FBXL7: variants seen among roughly 807,000 people sequenced by gnomAD.
FBXL7 encodes the protein F-box/LRR-repeat protein 7.
In FBXL7, 12 loss-of-function variants were observed where a neutral mutation model predicts 38.3. The ratio of observed to expected loss-of-function variants is 0.31; its 90% confidence interval spans 0.20 to 0.51. The LOEUF (loss-of-function observed/expected upper bound fraction) is 0.51. FBXL7 is among the 20% of genes least tolerant of loss of function. FBXL7 has a pLI of 0.98. For synonymous variants in FBXL7, 297 were observed against 300.9 expected, an observed-to-expected ratio of 0.99 and a Z score of 0.13; for missense variants, 567 against 676.4, an observed-to-expected ratio of 0.84 and a Z score of 1.79.
intron 1 of FBXL7, among the ~76,000 whole-genome samples, chr5:15,539,360 G>A (rs957831705): frequency 1.2e-4 from 18 of 152,190 alleles, no homozygotes; most frequent in African/African-American, 4.3e-4. Flanking sequence ...GAAAGCCCAG[G>A]TTGAGGATGC....
At chr5:15,500,946 G>C (rs1736471533) in intron 1 of FBXL7, among the ~76,000 whole-genome samples, 1 of 152,156 alleles carries the variant, frequency 6.6e-6, no homozygotes, top group Non-Finnish European at 1.5e-5. Context: ...GTTTGTCTTT[G>C]GGAAGGCTCA....
At chr5:15,563,801 T>C (rs1738482848) in intron 1 of FBXL7, among the ~76,000 whole-genome samples, 1 of 152,070 alleles carries the variant, frequency 6.6e-6, no homozygotes, top group Admixed American at 6.6e-5. Flanking sequence ...TAGGGAATTA[T>C]TTGGGGTTGG....
chr5:15,831,148 T>C (rs780547698), intron 2 of FBXL7, among the ~76,000 whole-genome samples: 1 of 152,194 alleles, frequency 6.6e-6, no homozygotes, highest in Non-Finnish European at 1.5e-5. Flanking sequence ...ACTGCAGCAG[T>C]CTTCTCAAAC....
intron 2 of FBXL7, among the ~76,000 whole-genome samples, chr5:15,659,130 G>T (rs12654662): frequency 0.35 from 52,487 of 151,884 alleles, 9,266 homozygotes; most frequent in East Asian, 0.5. Context: ...ATTAGCAGTG[G>T]GAGAACGGAC....
intron 1 of FBXL7, among the ~76,000 whole-genome samples, chr5:15,522,409 A>T (rs1737123123): frequency 6.6e-6 from 1 of 152,160 alleles, no homozygotes; most frequent in Non-Finnish European, 1.5e-5. Context: ...CATGTTTCAG[A>T]TCGATGCTCC....
intron 2 of FBXL7, among the ~76,000 whole-genome samples, chr5:15,704,443 A>G (rs1743621181): frequency 6.6e-6 from 1 of 152,202 alleles, no homozygotes; most frequent in South Asian, 2.1e-4. Context: ...AGGTAAAAAT[A>G]TTCTCTTCTA....
At chr5:15,744,964 A>G (rs1473025272) in intron 2 of FBXL7, among the ~76,000 whole-genome samples, 2 of 152,166 alleles carry the variant, frequency 1.3e-5, no homozygotes, top group African/African-American at 4.8e-5. Flanking sequence ...AACTGCCCCC[A>G]TGATTCAATT....
intron 2 of FBXL7, among the ~76,000 whole-genome samples, chr5:15,646,439 A>T (rs762740425): frequency 5.9e-5 from 9 of 152,214 alleles, no homozygotes; most frequent in African/African-American, 2.2e-4. Context: ...ACTTGAAAGA[A>T]TGCCAGGAAA....
At chr5:15,760,485 A>G (rs1483025867) in intron 2 of FBXL7, among the ~76,000 whole-genome samples, 1 of 151,926 alleles carries the variant, frequency 6.6e-6, no homozygotes, top group Non-Finnish European at 1.5e-5. Flanking sequence ...CAGGTCCGTC[A>G]TGCTTCAGCT....
intron 2 of FBXL7, among the ~76,000 whole-genome samples, chr5:15,655,312 A>G (rs1361531172): frequency 6.6e-6 from 1 of 152,114 alleles, no homozygotes; most frequent in African/African-American, 2.4e-5. Flanking sequence ...CCTGGCCAGT[A>G]TGGTGAAACC....
At chr5:15,771,942 AT>A (rs895459131) in intron 2 of FBXL7, among the ~76,000 whole-genome samples, 2 of 151,110 alleles carry the variant, frequency 1.3e-5, no homozygotes, top group Non-Finnish European at 3.0e-5. Flanking sequence ...TAATTTTTAT[AT>A]TTTTTTTAGT....
rs1262196388 is a variant in FBXL7 at position 15,505,480 on chromosome 5, A to C, written c.37+4767A>C. On this transcript the variant is annotated intron_variant, in intron 1 of 3. Coordinates refer to ENST00000504595, the MANE Select transcript of FBXL7 (RefSeq NM_012304.5). ...TCATAGATTCTTAGGATAAGTCAGT[A>C]AACAGATGAAGGTCCTGTCCTTGTC... 2.6e-5 allele frequency among the ~76,000 whole-genome samples: 4 copies of C among 152,140 alleles called. No individual in the cohort carries two copies. In the East Asian group the frequency reaches 7.7e-4, roughly 29 times the overall value.
intron 2 of FBXL7, among the ~76,000 whole-genome samples, chr5:15,699,618 G>A (rs1359865781): frequency 1.3e-5 from 2 of 152,202 alleles, no homozygotes; most frequent in African/African-American, 4.8e-5. Flanking sequence ...AATGCAGAAA[G>A]AAGGAGTATG....
chr5:15,729,909 C>T (rs1029627118), intron 2 of FBXL7, among the ~76,000 whole-genome samples: 7 of 152,148 alleles, frequency 4.6e-5, no homozygotes, highest in African/African-American at 4.8e-5. Flanking sequence ...AATCGGGTAA[C>T]GCTCCTAGTT....
At chr5:15,511,821 G>A (rs1736805060) in intron 1 of FBXL7, among the ~76,000 whole-genome samples, 1 of 152,306 alleles carries the variant, frequency 6.6e-6, no homozygotes, top group South Asian at 2.1e-4. Flanking sequence ...GCTGTATTAG[G>A]AATAGAGAAG....
chr5:15,633,574 A>T (rs1741068362), intron 2 of FBXL7, among the ~76,000 whole-genome samples: 1 of 151,808 alleles, frequency 6.6e-6, no homozygotes, highest in South Asian at 2.1e-4. Context: ...AAGTTCCAAC[A>T]CAAGGTTTAT....
intron 2 of FBXL7, among the ~76,000 whole-genome samples, chr5:15,825,873 G>A (rs1300548295): frequency 1.3e-5 from 2 of 152,192 alleles, no homozygotes; most frequent in African/African-American, 4.8e-5. Flanking sequence ...GGAAGAAAAG[G>A]AGAAACTCAA....
At chr5:15,784,866 A>G (rs180857610) in intron 2 of FBXL7, among the ~76,000 whole-genome samples, 13 of 152,330 alleles carry the variant, frequency 8.5e-5, no homozygotes, top group Admixed American at 4.6e-4. Context: ...CAGTGCAATA[A>G]CAACCTAGCA....
chr5:15,500,534 T>C lies in FBXL7; in HGVS notation c.-143T>C. The C allele has an allele frequency of 8.6e-7, 1 of 1,165,784 alleles. No homozygotes were observed. Among genetic ancestry groups the C allele is most frequent in the Admixed American group, 1.7e-5 (1 of 59,080 alleles). The allele number at this position is 1,165,784 out of a possible 1,614,324, so 72.2% of individuals were successfully genotyped here. A position where few individuals can be genotyped will look rare whatever the true frequency, so the allele number is the denominator to read the frequency against. On this transcript the variant is annotated 5_prime_UTR_variant, in exon 1 of 4. Coordinates refer to ENST00000504595, the MANE Select transcript of FBXL7 (RefSeq NM_012304.5). The stretch of plus-strand genomic sequence containing the variant: ...CCTCCCACTGGAGTGCGGGGACCTC[T>C]CCAGGCCGGAGGTCGGCCCCGGAGC...
Sources: gnomAD v4.1 joint callset for allele counts (sites outside exome capture counted in the v4.1 genomes callset) on GRCh38, gnomAD v4.1.1 for gene constraint, MANE v1.5 for transcripts, NCBI Gene and HGNC (gene_info 2026-07-23, HGNC 2026-07-21) for gene names.